GALNTL6: variants seen among roughly 807,000 people sequenced by gnomAD.
GALNTL6 encodes the protein polypeptide N-acetylgalactosaminyltransferase-like 6.
A neutral mutation model predicts 73.7 loss-of-function variants in GALNTL6; 46 were observed. That is an observed-to-expected ratio of 0.62 (90% CI 0.49 to 0.80). The LOEUF is 0.80. GALNTL6 is among the 30% of genes least tolerant of loss of function. GALNTL6 has a pLI of 0.00. For missense variants in GALNTL6, 604 were observed against 755.0 expected (o/e 0.80, Z 2.34); for synonymous variants, 259 against 263.7 (o/e 0.98, Z 0.17).
chr4:172,579,332 C>A (rs112404752), intron 5 of GALNTL6, among the ~76,000 whole-genome samples: 2 of 152,088 alleles, frequency 1.3e-5, no homozygotes, highest in African/African-American at 4.8e-5. Context: ...GTGATGTGAC[C>A]AACTGACATT....
Position 172,450,593 on chromosome 4 carries a change from C to T in GALNTL6, c.553+101904C>T, listed in dbSNP as rs572423798. On this transcript the variant is annotated intron_variant, in intron 5 of 12. Transcript: ENST00000506823. Reference sequence around the variant, plus strand: ...TCCTGCTTAAACCTTCAATGGCTTTCAGTTGTAATCAGATGAAATGATTGG... The same window carrying T: ...TCCTGCTTAAACCTTCAATGGCTTTTAGTTGTAATCAGATGAAATGATTGG... Among the ~76,000 whole-genome samples the T allele has an allele frequency of 5.3e-5, 8 of 152,360 alleles. No individual in the cohort carries two copies. The East Asian group carries it at 1.5e-3, about 29-fold the overall frequency.
At chr4:172,609,395 G>T (rs929422671) in intron 5 of GALNTL6, among the ~76,000 whole-genome samples, 7 of 152,110 alleles carry the variant, frequency 4.6e-5, no homozygotes, top group African/African-American at 1.7e-4. Flanking sequence ...CATCTATTGA[G>T]ATAATCATGT....
intron 5 of GALNTL6, among the ~76,000 whole-genome samples, chr4:172,444,786 T>C (rs1280311258): frequency 6.6e-6 from 1 of 152,174 alleles, no homozygotes; most frequent in African/African-American, 2.4e-5. Flanking sequence ...CATCAGCAAA[T>C]TGAATCCTTA....
Position 172,393,125 on chromosome 4 carries a change from G to C in GALNTL6, c.553+44436G>C, listed in dbSNP as rs748092899. ...ATCCCCAAACCATCCCCCTTCCCGGGTGGAAAAATTGTCTTCCATGAAACT... is the reference window on the plus strand; with the variant it reads ...ATCCCCAAACCATCCCCCTTCCCGGCTGGAAAAATTGTCTTCCATGAAACT... On this transcript the variant is annotated intron_variant, in intron 5 of 12. Transcript: ENST00000506823. 9.2e-5 allele frequency among the ~76,000 whole-genome samples: 14 copies of C among 152,230 alleles called. No individual in the cohort carries two copies. In the South Asian group the frequency reaches 1.2e-3, roughly 14 times the overall value.
chr4:172,823,364 T>A (rs1275075222), intron 7 of GALNTL6, among the ~76,000 whole-genome samples: 1 of 152,242 alleles, frequency 6.6e-6, no homozygotes, highest in African/African-American at 2.4e-5. Flanking sequence ...CATTTCAACA[T>A]CAGTATTAGA....
intron 5 of GALNTL6, among the ~76,000 whole-genome samples, chr4:172,471,869 A>G (rs1306727570): frequency 6.6e-6 from 1 of 152,216 alleles, no homozygotes; most frequent in Non-Finnish European, 1.5e-5. Flanking sequence ...AGAGCTGACT[A>G]AATTTCAGTT....
intron 12 of GALNTL6, among the ~76,000 whole-genome samples, chr4:173,024,249 T>C (rs1753138189): frequency 6.6e-6 from 1 of 152,244 alleles, no homozygotes; most frequent in South Asian, 2.1e-4. Flanking sequence ...CTAGATTCAA[T>C]TGTGCTGTGG....
At chr4:172,765,580 G>T (rs970524408) in intron 5 of GALNTL6, among the ~76,000 whole-genome samples, 7 of 152,012 alleles carry the variant, frequency 4.6e-5, no homozygotes, top group Non-Finnish European at 7.4e-5. Flanking sequence ...CCAAAAATTA[G>T]CTCACCACTG....
In GALNTL6 at chr4:172,509,526, G is replaced by A. The variant is rs1057399539; in HGVS notation, c.553+160837G>A. Among the ~76,000 whole-genome samples, 4 of 55,026 alleles carry A rather than the reference G, an allele frequency of 7.3e-5. 1 individual carries two copies. The highest frequency in any genetic ancestry group is 1.8e-4 in the African/African-American group (4 of 21,998). 36.1% of individuals were successfully genotyped at this position (55,026 alleles called of 152,430 possible). On this transcript the variant is annotated intron_variant, in intron 5 of 12. Coordinates refer to ENST00000506823, the MANE Select transcript of GALNTL6 (RefSeq NM_001034845.3). ...TCTTGGCCATGAAGTCTTTGCCTAA[G>A]CCAATGTCTCAAAGCATTTTCCAAT...
At chr4:172,957,244 T>C (rs1027176126) in intron 10 of GALNTL6, among the ~76,000 whole-genome samples, 1 of 152,132 alleles carries the variant, frequency 6.6e-6, no homozygotes, top group Non-Finnish European at 1.5e-5. Flanking sequence ...TCCTTGAGGA[T>C]AGATTTCCAT....
At chr4:172,296,679 A>G (rs1384856181) in intron 3 of GALNTL6, among the ~76,000 whole-genome samples, 1 of 152,190 alleles carries the variant, frequency 6.6e-6, no homozygotes, top group Non-Finnish European at 1.5e-5. Context: ...ATGTCCCTAC[A>G]AAGGACATGA....
chr4:172,323,068 G>T (rs560515126), intron 4 of GALNTL6, among the ~76,000 whole-genome samples: 1 of 152,116 alleles, frequency 6.6e-6, no homozygotes, highest in Non-Finnish European at 1.5e-5. Flanking sequence ...GCACATGGCT[G>T]CAGGAACACA....
At chr4:172,052,343 T>C in intron 2 of GALNTL6, 1 of 754,522 alleles carries the variant, frequency 1.3e-6, no homozygotes, top group Non-Finnish European at 2.1e-6. Flanking sequence ...TATTTAGAGA[T>C]GGGCTTGAAC....
intron 5 of GALNTL6, among the ~76,000 whole-genome samples, chr4:172,642,560 C>T (rs1204006366): frequency 1.3e-5 from 2 of 151,672 alleles, no homozygotes; most frequent in Non-Finnish European, 2.9e-5. Flanking sequence ...ATGGTAGTTA[C>T]CAGGGGTGGT....
At chr4:172,092,960 A>C (rs1579130756) in intron 2 of GALNTL6, among the ~76,000 whole-genome samples, 1 of 139,848 alleles carries the variant, frequency 7.2e-6, no homozygotes, top group Admixed American at 7.7e-5. Context: ...TGCAATCTCC[A>C]CCTCCCAGGT....
At chr4:172,047,499 T>C (rs970738950) in intron 2 of GALNTL6, among the ~76,000 whole-genome samples, 15 of 152,222 alleles carry the variant, frequency 9.9e-5, no homozygotes, top group Non-Finnish European at 1.9e-4. Flanking sequence ...AACAAAGCAA[T>C]GTACCAGTTA....
At chr4:172,567,261 T>G (rs1407945387) in intron 5 of GALNTL6, among the ~76,000 whole-genome samples, 1 of 152,042 alleles carries the variant, frequency 6.6e-6, no homozygotes, top group Admixed American at 6.6e-5. Flanking sequence ...GTGAGAGGCA[T>G]GCAAATATCT....
chr4:173,031,088 T>C (rs1232121626), intron 12 of GALNTL6, among the ~76,000 whole-genome samples: 2 of 152,146 alleles, frequency 1.3e-5, no homozygotes, highest in Non-Finnish European at 2.9e-5. Flanking sequence ...GGCCCCACTG[T>C]GGATGCTGGC....
chr4:172,821,329 A>T lies in GALNTL6; in HGVS notation c.923+7606A>T, dbSNP rs528662579. On this transcript the variant is annotated intron_variant, in intron 7 of 12. Coordinates refer to ENST00000506823, the MANE Select transcript of GALNTL6 (RefSeq NM_001034845.3). ...AATCTTAGCTTTAATCAATGGTCTC[A>T]TAGGACTCAAGTTAATGCCTTCTTT... 3.3e-5 allele frequency among the ~76,000 whole-genome samples: 5 copies of T among 152,304 alleles called. No homozygotes were observed. In the South Asian group the frequency reaches 6.2e-4, roughly 19 times the overall value.
Sources: allele counts gnomAD v4.1 joint callset (sites outside exome capture counted in the v4.1 genomes callset), GRCh38; gene constraint gnomAD v4.1.1; transcripts MANE v1.5; gene names NCBI Gene and HGNC (gene_info 2026-07-23, HGNC 2026-07-21).